BOP1: variants seen among roughly 807,000 people sequenced by gnomAD.
The protein encoded by BOP1 is BOP1 ribosomal biogenesis factor.
A neutral mutation model predicts 82.9 loss-of-function variants in BOP1; 54 were observed. The observed-to-expected ratio is 0.65, with a 90% CI of 0.52 to 0.82. The LOEUF is 0.82. BOP1 is among the 40% of genes least tolerant of loss of function. The pLI is 0.00. For synonymous variants in BOP1, 566 were observed against 451.1 expected (o/e 1.25, Z -3.23); for missense variants, 1,170 against 1,072.0 (o/e 1.09, Z -1.28).
At chr8:144,267,269 C>T (rs1443113905) in intron 3 of BOP1, 19 of 1,382,266 alleles carry the variant, frequency 1.4e-5, no homozygotes, top group Non-Finnish European at 1.7e-5. Context: ...GCCACACGGG[C>T]AGGGCTCCCC....
rs1246946199 is a variant in BOP1 at position 144,291,218 on chromosome 8, T to A, written c.99+54A>T. ...GCCCACCCGCCCCAGCGCGGCCACG[T>A]GCCCGCCGGGCCCTCTAGGGACGCG... is the stretch of plus-strand genomic sequence containing the variant. On this transcript the variant is annotated intron_variant, in intron 1 of 15. Transcript: ENST00000569669. This position sits in a 1 kb window ranked among gnomAD's most constrained non-coding sequence, Gnocchi z 4.1. The A allele has an allele frequency of 1.3e-5, 17 of 1,349,826 alleles. No individual in the cohort carries two copies. The highest frequency in any genetic ancestry group is 1.0e-5 in the Non-Finnish European group (11 of 1,052,784). The allele number at this position is 1,349,826 out of a possible 1,614,324, so 83.6% of individuals were successfully genotyped here.
chr8:144,264,882 A>G, intron 4 of BOP1, 35 bp downstream of exon 4: 1 of 1,522,734 alleles, frequency 6.6e-7, no homozygotes, highest in Non-Finnish European at 8.9e-7. Context: ...CCTCGGGCCC[A>G]CCCCGGCTGC....
chr8:144,278,270 G>A (rs58626562), intron 2 of BOP1, among the ~76,000 whole-genome samples: 79,073 of 152,062 alleles, frequency 0.52, 21,013 homozygotes, highest in African/African-American at 0.61. Flanking sequence ...GGGCCGCTGG[G>A]GCCAAGGAAA....
chr8:144,278,419 G>T (rs587648911), intron 2 of BOP1, among the ~76,000 whole-genome samples: 106 of 152,322 alleles, frequency 7.0e-4, no homozygotes, highest in African/African-American at 2.6e-3. Flanking sequence ...CCCCTATTGT[G>T]ACCACACCAG....
chr8:144,276,499 T>C (rs1382107530), intron 2 of BOP1, among the ~76,000 whole-genome samples, 195 bp from the exon 3 acceptor site: 1 of 152,184 alleles, frequency 6.6e-6, no homozygotes, highest in Non-Finnish European at 1.5e-5. Context: ...CCGCAGGTCC[T>C]GCCCACGGCC....
chr8:144,263,258 C>A lies in BOP1; in HGVS notation c.1568G>T (p.Arg523Leu). ...GATGCGCAGCCGCAGGCCCACTTGG[C>A]GCTCCTCCTCTGAGGCCTCCAGCCA... ...ARWLEASEEE[R>L]QVGLRLRICH... Residue 523 changes from arginine (R) to leucine (L), a missense_variant, in exon 12 of 16, where the codon CGC becomes CTC. Coordinates refer to ENST00000569669, the MANE Select transcript of BOP1 (RefSeq NM_015201.5). The A allele has an allele frequency of 6.3e-7, 1 of 1,594,770 alleles. No individual in the cohort carries two copies. The highest frequency in any genetic ancestry group is 1.3e-5 in the African/African-American group (1 of 74,946).
intron 2 of BOP1, among the ~76,000 whole-genome samples, chr8:144,286,646 C>A (rs1249300350): frequency 6.6e-6 from 1 of 152,216 alleles, no homozygotes; most frequent in Non-Finnish European, 1.5e-5. Flanking sequence ...GACACGCGGG[C>A]AGGTGCATGA....
chr8:144,273,984 C>A (rs1845533325), intron 3 of BOP1, among the ~76,000 whole-genome samples: 1 of 151,470 alleles, frequency 6.6e-6, no homozygotes, highest in South Asian at 2.1e-4. Context: ...AGCAGGGGGT[C>A]CCTGAAGCCC....
rs1564594422 is a variant in BOP1, at chr8:144,263,428, C to T, written c.1425-27G>A. On this transcript the variant is annotated intron_variant, in intron 11 of 15. Transcript: ENST00000569669. The stretch of plus-strand genomic sequence containing the variant: ...TGTGAGCCAGGCCCAGACACGGCCC[C>T]TAAGCACAGTGCCACCCCTGGCTCC... 5 of 1,597,844 alleles carry T rather than the reference C, an allele frequency of 3.1e-6. 1 individual carries two copies. Among genetic ancestry groups the T allele is most frequent in the East Asian group, 2.2e-5 (1 of 44,874 alleles).
chr8:144,262,915 T>G lies in BOP1; in HGVS notation c.1832A>C (p.Glu611Ala). 1 of 1,545,980 alleles carries G rather than the reference T, an allele frequency of 6.5e-7. No individual in the cohort carries two copies. The highest frequency in any genetic ancestry group is 1.2e-5 in the South Asian group (1 of 85,182). Residue 611 changes from glutamate to alanine, a missense_variant, in exon 13 of 16, where the codon GAG becomes GCG. Glu to Ala is a moderately radical substitution (Grantham distance 107). Transcript: ENST00000569669. Reference protein sequence around the residue: ...SVRLYHLLRQELTKKLMPNCK... With the variant: ...SVRLYHLLRQALTKKLMPNCK... ...GTTGGGCATCAGCTTCTTGGTGAGCTCCTGGCGCAGCAGGTGGTAGAGGCG... is the reference window on the plus strand; with the variant it reads ...GTTGGGCATCAGCTTCTTGGTGAGCGCCTGGCGCAGCAGGTGGTAGAGGCG...
intron 3 of BOP1, among the ~76,000 whole-genome samples, chr8:144,275,046 G>C (rs1388351222): frequency 2.0e-5 from 3 of 152,128 alleles, no homozygotes; most frequent in Admixed American, 6.5e-5. Context: ...AGACCGGATC[G>C]GGCGGGCGGC....
intron 2 of BOP1, among the ~76,000 whole-genome samples, chr8:144,282,245 G>T (rs1564602433): frequency 6.6e-6 from 1 of 152,230 alleles, no homozygotes; most frequent in African/African-American, 2.4e-5. Context: ...GGTGCTGCAG[G>T]GCAGGGAGCA....
Position 144,263,962 on chromosome 8 carries a change from G to T in BOP1, c.1140+19C>A. ...CCTTGCCCCCTGTGCCACCCCCCTGGTGTGCCACCCCCACACACCCTCATC... is the reference window on the plus strand; with the variant it reads ...CCTTGCCCCCTGTGCCACCCCCCTGTTGTGCCACCCCCACACACCCTCATC... On this transcript the variant is annotated intron_variant, in intron 8 of 15. Coordinates refer to ENST00000569669, the MANE Select transcript of BOP1 (RefSeq NM_015201.5). The T allele has an allele frequency of 1.2e-6, 2 of 1,611,102 alleles. No individual in the cohort carries two copies. Among genetic ancestry groups the T allele is most frequent in the South Asian group, 2.2e-5 (2 of 91,010 alleles).
chr8:144,287,988 G>A (rs1251923885), intron 2 of BOP1, among the ~76,000 whole-genome samples: 1 of 152,146 alleles, frequency 6.6e-6, no homozygotes, highest in Non-Finnish European at 1.5e-5. Context: ...ATGCTGGGCT[G>A]GGCGCGGTGG....
chr8:144,271,621 G>T (rs1241363136), intron 3 of BOP1, among the ~76,000 whole-genome samples: 1 of 152,060 alleles, frequency 6.6e-6, no homozygotes, highest in Non-Finnish European at 1.5e-5. Flanking sequence ...AGGGCGGGAG[G>T]CTCACCTGCT....
At chr8:144,277,980 G>A (rs587771636) in intron 2 of BOP1, among the ~76,000 whole-genome samples, 22 of 152,268 alleles carry the variant, frequency 1.4e-4, no homozygotes, top group African/African-American at 3.4e-4. Context: ...ATGAGCCCAC[G>A]CCACGCTCCG....
chr8:144,266,653 T>C, intron 3 of BOP1: 1 of 1,254,884 alleles, frequency 8.0e-7, no homozygotes. Flanking sequence ...GCCGGGCCGC[T>C]ACCTGTACCC....
intron 15 of BOP1, 26 bp downstream of exon 15, chr8:144,262,369 AG>A: frequency 6.2e-7 from 1 of 1,612,432 alleles, no homozygotes; most frequent in Non-Finnish European, 8.5e-7. Flanking sequence ...TGCCCTGGGG[AG>A]GGGGCCAGGC....
rs782576118 is a variant in BOP1, at chr8:144,263,052, C to G, written c.1695G>C (p.Gln565His). 52 of 1,582,814 alleles carry G rather than the reference C, an allele frequency of 3.3e-5. No homozygotes were observed. The South Asian group carries it at 5.7e-4, about 17-fold the overall frequency. Reference protein sequence around the residue: ...TQGHTQVLIHQLSRRRSQSPF... With the variant: ...TQGHTQVLIHHLSRRRSQSPF... ...GACTCTGGCTGCGGCGACGGCTCAGCTGGTGAATCAGCACCTGGGTGTGGC... is the reference window on the plus strand; with the variant it reads ...GACTCTGGCTGCGGCGACGGCTCAGGTGGTGAATCAGCACCTGGGTGTGGC... Residue 565 changes from glutamine (Q) to histidine (H), a missense_variant, in exon 13 of 16, where the codon CAG becomes CAC. Transcript: ENST00000569669.
Sources: allele counts gnomAD v4.1 joint callset (sites outside exome capture counted in the v4.1 genomes callset), GRCh38; gene constraint gnomAD v4.1.1; non-coding constraint Gnocchi (gnomAD v3.1); transcripts MANE v1.5; gene names NCBI Gene and HGNC (gene_info 2026-07-23, HGNC 2026-07-21).